The following UTP25 variants were observed in gnomAD, a reference collection of about 807,000 sequenced individuals.
UTP25 encodes the protein U3 small nucleolar RNA-associated protein 25 homolog.
UTP25 carries 50 observed loss-of-function variants against 78.9 expected under a neutral mutation model. The ratio of observed to expected loss-of-function variants is 0.63; its 90% CI spans 0.50 to 0.80. The LOEUF (loss-of-function observed/expected upper bound fraction) is 0.80, where lower values mean the gene tolerates loss of function less well. UTP25 is among the 30% of genes least tolerant of loss of function. The pLI is 0.00. For synonymous variants in UTP25, 329 were observed against 336.5 expected, an observed-to-expected ratio of 0.98 and a Z score of 0.24; for missense variants, 846 against 911.3, an observed-to-expected ratio of 0.93 and a Z score of 0.92.
intron 1 of UTP25, among the ~76,000 whole-genome samples, chr1:209,828,679 C>G (rs2102565523): frequency 6.6e-6 from 1 of 151,748 alleles, no homozygotes; most frequent in South Asian, 2.1e-4. Context: ...GCTGGGATTA[C>G]AGGCGTGAGC....
chr1:209,831,141 G>C, intron 3 of UTP25, 98 bp downstream of exon 3: 1 of 1,307,534 alleles, frequency 7.6e-7, no homozygotes, highest in East Asian at 2.4e-5. Context: ...TTGGATGAAA[G>C]GACATGAATC....
chr1:209,841,995 G>T (rs2102576756), intron 8 of UTP25, among the ~76,000 whole-genome samples: 1 of 152,260 alleles, frequency 6.6e-6, no homozygotes, highest in Admixed American at 6.5e-5. Flanking sequence ...GACCAGTGTG[G>T]CATTTCAGAA....
chr1:209,834,123 C>T (rs2078118538), intron 4 of UTP25, among the ~76,000 whole-genome samples: 1 of 152,190 alleles, frequency 6.6e-6, no homozygotes, highest in Admixed American at 6.5e-5. Context: ...AGTACAAACT[C>T]CATTCTGAAC....
intron 4 of UTP25, 132 bp from the exon 5 acceptor site, chr1:209,834,943 C>A: frequency 1.6e-6 from 1 of 629,616 alleles, no homozygotes; most frequent in Admixed American, 3.2e-5. Flanking sequence ...TGGACTTGGC[C>A]AGAGGGTGGG....
At chr1:209,843,307 C>T in intron 10 of UTP25, 144 bp from the exon 11 acceptor site, 3 of 930,284 alleles carry the variant, frequency 3.2e-6, no homozygotes, top group Admixed American at 2.9e-5. Context: ...CTTACATAAT[C>T]TCTTTGAGAG....
At chr1:209,850,293 A>T (rs1426964600) in intron 11 of UTP25, among the ~76,000 whole-genome samples, 1 of 152,194 alleles carries the variant, frequency 6.6e-6, no homozygotes, top group African/African-American at 2.4e-5. Context: ...TTCTTTATGG[A>T]AAGGATGTTG....
rs75603244 is a variant in UTP25 at position 209,849,332 on chromosome 1, T to C, written c.2028-1872T>C. ...CTCTGCTTGTATCAGTGCAGGAACT[T>C]GGGCTGAACAGGTTTCTTACCCCTT... On this transcript the variant is annotated intron_variant, in intron 11 of 11. Transcript: ENST00000491415. 5.3e-5 allele frequency among the ~76,000 whole-genome samples: 8 copies of C among 152,180 alleles called. No individual in the cohort carries two copies. In the East Asian group the frequency reaches 1.4e-3, roughly 26 times the overall value.
At chr1:209,843,223 A>G (rs2078177376) in intron 10 of UTP25, 1 of 569,898 alleles carries the variant, frequency 1.8e-6, no homozygotes, top group East Asian at 3.0e-5. Context: ...TCTGGGATAT[A>G]ATGGTATTAC....
intron 4 of UTP25, among the ~76,000 whole-genome samples, 155 bp from the exon 5 acceptor site, chr1:209,834,920 A>G (rs749698984): frequency 2.6e-5 from 4 of 152,218 alleles, no homozygotes; most frequent in African/African-American, 4.8e-5. Flanking sequence ...ACCTTTCAGA[A>G]GTTTTTAAGC....
chr1:209,847,929 GCTT>G (rs1326852317), intron 11 of UTP25, among the ~76,000 whole-genome samples: 1 of 152,156 alleles, frequency 6.6e-6, no homozygotes, highest in Non-Finnish European at 1.5e-5. Context: ...TAACTCTCTT[GCTT>G]TTTTACTTTT....
chr1:209,842,790 G>T, intron 10 of UTP25, 95 bp downstream of exon 10: 1 of 832,274 alleles, frequency 1.2e-6, no homozygotes, highest in Non-Finnish European at 1.9e-6. Context: ...TGCTTTTATT[G>T]ATAACTACCA....
intron 1 of UTP25, 132 bp downstream of exon 1, chr1:209,828,302 G>A (rs1460385526): frequency 2.9e-6 from 2 of 693,044 alleles, no homozygotes; most frequent in African/African-American, 3.7e-5. Context: ...CGGCCGGGGA[G>A]ATTCTGGCGC....
chr1:209,841,817 A>G (rs2078168332), intron 8 of UTP25, among the ~76,000 whole-genome samples: 1 of 152,194 alleles, frequency 6.6e-6, no homozygotes. Context: ...ATTAAAATGG[A>G]AAAGGCATTT....
intron 10 of UTP25, 98 bp from the exon 11 acceptor site, chr1:209,843,351 CTT>C (rs1354908726): frequency 1.4e-6 from 2 of 1,441,446 alleles, no homozygotes; most frequent in African/African-American, 2.8e-5. Context: ...GGGAGGTAAT[CTT>C]TTAACACGAG....
chr1:209,845,985 T>C (rs2078195110), intron 11 of UTP25, among the ~76,000 whole-genome samples: 3 of 151,840 alleles, frequency 2.0e-5, no homozygotes, highest in South Asian at 2.1e-4. Flanking sequence ...GCCTCCTGAG[T>C]AGCTGGGATT....
Position 209,828,132 on chromosome 1 carries a change from T to C in UTP25, c.69T>C (p.His23=). The C allele has an allele frequency of 6.2e-7, 1 of 1,614,068 alleles. No individual in the cohort carries two copies. The highest frequency in any genetic ancestry group is 8.5e-7 in the Non-Finnish European group (1 of 1,180,000). ...LNTLTKKQKK[H]LRDFGEEHPF... is the part of the protein sequence containing the mutation. ...CCCTAACTAAAAAGCAGAAGAAACA[T>C]CTTCGAGATTTCGGCGAGGAGCATC... Residue 23 remains histidine, a synonymous_variant, in exon 1 of 12, where the codon CAT becomes CAC. Coordinates refer to ENST00000491415, the MANE Select transcript of UTP25 (RefSeq NM_014388.7).
chr1:209,833,720 A>G (rs2102569857), intron 4 of UTP25, among the ~76,000 whole-genome samples: 1 of 152,180 alleles, frequency 6.6e-6, no homozygotes, highest in African/African-American at 2.4e-5. Context: ...TGGAGCAGTA[A>G]TTTTTCAGAT....
intron 6 of UTP25, among the ~76,000 whole-genome samples, chr1:209,837,962 A>C (rs1341546301): frequency 1.3e-5 from 2 of 152,206 alleles, no homozygotes; most frequent in Non-Finnish European, 2.9e-5. Context: ...TGTGGCCTTT[A>C]GAGATTTCTT....
In UTP25 at chr1:209,854,090, G is replaced by A. The variant is rs2078257264; in HGVS notation, c.*2643G>A. The A allele has an allele frequency of 1.3e-5, 2 of 152,322 alleles. No homozygotes were observed. Among genetic ancestry groups the A allele is most frequent in the African/African-American group, 2.4e-5 (1 of 41,560 alleles). 9.4% of individuals were successfully genotyped at this position (152,322 alleles called of 1,614,324 possible). ...TCTCAACACACAATAAGCGAGAAGA[G>A]AGGCTACTGAAATACGGATGCGTGA... On this transcript the variant is annotated 3_prime_UTR_variant, in exon 12 of 12. Transcript: ENST00000491415.
Sources: gnomAD v4.1 joint callset for allele counts (sites outside exome capture counted in the v4.1 genomes callset) on GRCh38, gnomAD v4.1.1 for gene constraint, MANE v1.5 for transcripts, NCBI Gene and HGNC (gene_info 2026-07-23, HGNC 2026-07-21) for gene names.